Variants in RANBP2 observed in about 807,000 individuals in gnomAD.
The protein encoded by RANBP2 is E3 SUMO-protein ligase RanBP2.
Under a neutral mutation model 303.6 loss-of-function variants are expected in RANBP2, and 57 were observed. The observed-to-expected ratio is 0.19, with a 90% CI of 0.15 to 0.23. The LOEUF (loss-of-function observed/expected upper bound fraction) is 0.23, where lower values mean the gene tolerates loss of function less well. Ranked by LOEUF, RANBP2 falls within the 10% of genes least tolerant of loss-of-function variation. RANBP2 has a pLI of 1.00. For missense variants in RANBP2, 3,138 were observed against 3,780.8 expected, an observed-to-expected ratio of 0.83 and a Z score of 4.46; for synonymous variants, 1,167 against 1,301.5, an observed-to-expected ratio of 0.90 and a Z score of 2.23.
the RANBP2 span, chr2:109,398,704 A>G: frequency 6.2e-7 from 1 of 1,612,508 alleles, no homozygotes; most frequent in Admixed American, 1.7e-5. Context: ...CGTGGCCCCA[A>G]GTCCCACTTT....
the RANBP2 span, among the ~76,000 whole-genome samples, chr2:109,401,721 C>A: frequency 0.11 from 16,608 of 152,172 alleles, 1,049 homozygotes; most frequent in East Asian, 0.25. Flanking sequence ...GTACAGGATC[C>A]GGTTTCCTCT....
the RANBP2 span, among the ~76,000 whole-genome samples, chr2:109,360,305 T>C: frequency 1.3e-5 from 2 of 152,206 alleles, no homozygotes; most frequent in Non-Finnish European, 2.9e-5. Flanking sequence ...AATGATTGCT[T>C]ATTGGTAGCA....
chr2:108,846,970 A>G, the RANBP2 span: 1 of 1,087,412 alleles, frequency 9.2e-7, no homozygotes, highest in Non-Finnish European at 1.4e-6. Flanking sequence ...TTTGAGAAAC[A>G]ATAGAGAATA....
the RANBP2 span, among the ~76,000 whole-genome samples, chr2:109,609,557 T>C: frequency 2.0e-5 from 3 of 149,892 alleles, no homozygotes; most frequent in African/African-American, 7.4e-5. Flanking sequence ...CTGAGTCTTT[T>C]CACTGCCGAG....
the RANBP2 span, among the ~76,000 whole-genome samples, chr2:109,497,336 G>A: frequency 6.6e-6 from 1 of 152,164 alleles, no homozygotes; most frequent in South Asian, 2.1e-4. Context: ...GCTACCACAT[G>A]GAGGGCCACT....
chr2:109,067,662 AGCT>A, the RANBP2 span, among the ~76,000 whole-genome samples: 1 of 152,220 alleles, frequency 6.6e-6, no homozygotes, highest in Admixed American at 6.5e-5. Context: ...AGATGTTGCC[AGCT>A]GACTGGAATC....
At chr2:109,245,382 G>T in the RANBP2 span, among the ~76,000 whole-genome samples, 1 of 152,088 alleles carries the variant, frequency 6.6e-6, no homozygotes, top group East Asian at 1.9e-4. Context: ...CCCTCTTGGT[G>T]CTTTCATGTA....
At chr2:109,297,882 A>G in the RANBP2 span, among the ~76,000 whole-genome samples, 1 of 150,562 alleles carries the variant, frequency 6.6e-6, no homozygotes, top group Admixed American at 6.6e-5. Flanking sequence ...TACCCTCCAC[A>G]TGGGTCAGTG....
chr2:109,319,560 G>A, the RANBP2 span, among the ~76,000 whole-genome samples: 6 of 152,238 alleles, frequency 3.9e-5, no homozygotes, highest in Non-Finnish European at 8.8e-5. Context: ...TCACAGGGCT[G>A]AAAACAAGCC....
the RANBP2 span, among the ~76,000 whole-genome samples, chr2:109,136,128 CG>C: frequency 1.4e-4 from 22 of 152,074 alleles, no homozygotes; most frequent in Non-Finnish European, 3.2e-4. Context: ...ATGACAGATT[CG>C]GGGCTCAGTT....
the RANBP2 span, among the ~76,000 whole-genome samples, chr2:109,684,537 G>A: frequency 3.7e-4 from 33 of 88,952 alleles, no homozygotes; most frequent in African/African-American, 1.2e-3. Flanking sequence ...CTGCACCCGG[G>A]CTTTTTTTTT....
the RANBP2 span, among the ~76,000 whole-genome samples, chr2:109,463,616 G>A: frequency 6.6e-6 from 1 of 152,176 alleles, no homozygotes; most frequent in Admixed American, 6.5e-5. Context: ...AACAAACAGG[G>A]ACTCTGGAAG....
chr2:109,028,049 A>G, the RANBP2 span, among the ~76,000 whole-genome samples: 3 of 152,132 alleles, frequency 2.0e-5, no homozygotes, highest in Non-Finnish European at 4.4e-5. Context: ...ACAGGCAGAC[A>G]TCTTGAGCCC....
In RANBP2 at chr2:108,774,158, G is replaced by A. The variant is rs986083994; in HGVS notation, c.8292+1112G>A. Among the ~76,000 whole-genome samples, 62 of 152,164 alleles carry A rather than the reference G, an allele frequency of 4.1e-4. 1 individual carries two copies. The highest frequency in any genetic ancestry group is 5.9e-5 in the Non-Finnish European group (4 of 68,034). On this transcript the variant is annotated intron_variant, in intron 23 of 28. Coordinates refer to ENST00000283195, the MANE Select transcript of RANBP2 (RefSeq NM_006267.5). Reference sequence around the variant, plus strand: ...TTCAAATGTTCAGAAAACTAACTTTGCATTCCAGCGTAAACCTCACTTGGT... The same window carrying A: ...TTCAAATGTTCAGAAAACTAACTTTACATTCCAGCGTAAACCTCACTTGGT...
the RANBP2 span, among the ~76,000 whole-genome samples, chr2:109,283,930 T>C: frequency 6.6e-6 from 1 of 152,208 alleles, no homozygotes; most frequent in Non-Finnish European, 1.5e-5. Flanking sequence ...TCCATCTCAC[T>C]TGGGGAGGCC....
chr2:109,736,482 C>T, the RANBP2 span, among the ~76,000 whole-genome samples: 2 of 152,176 alleles, frequency 1.3e-5, no homozygotes. Context: ...ATTACTTACA[C>T]ATTAATTTTT....
the RANBP2 span, among the ~76,000 whole-genome samples, chr2:109,119,549 C>T: frequency 7.2e-5 from 11 of 152,034 alleles, no homozygotes; most frequent in Admixed American, 5.2e-4. Flanking sequence ...TTCATTCATT[C>T]GCTCATGACT....
chr2:109,619,495 T>C, the RANBP2 span, among the ~76,000 whole-genome samples: 4 of 152,188 alleles, frequency 2.6e-5, no homozygotes, highest in Admixed American at 2.6e-4. Flanking sequence ...TGATCTGTAT[T>C]TTTAGCAAAA....
chr2:109,211,421 G>A, the RANBP2 span, among the ~76,000 whole-genome samples: 1 of 152,234 alleles, frequency 6.6e-6, no homozygotes, highest in Non-Finnish European at 1.5e-5. Context: ...AAGCCCTGGC[G>A]AGGTAAGAAG....
Sources: gnomAD v4.1 joint callset for allele counts (sites outside exome capture counted in the v4.1 genomes callset) on GRCh38, gnomAD v4.1.1 for gene constraint, MANE v1.5 for transcripts, NCBI Gene and HGNC (gene_info 2026-07-23, HGNC 2026-07-21) for gene names.